NCAPG2: variants seen among roughly 807,000 people sequenced by gnomAD.
NCAPG2 encodes the protein non-SMC condensin II complex subunit G2.
In NCAPG2, 53 loss-of-function variants were observed where a neutral mutation model predicts 141.1. The ratio of observed to expected loss-of-function variants is 0.38; its 90% CI spans 0.30 to 0.47. NCAPG2 has a LOEUF of 0.47. Ranked by LOEUF, NCAPG2 falls within the 20% of genes least tolerant of loss-of-function variation. NCAPG2 has a pLI of 0.99. For missense variants in NCAPG2, 1,087 were observed against 1,389.0 expected, an observed-to-expected ratio of 0.78 and a Z score of 3.46; for synonymous variants, 499 against 490.7, an observed-to-expected ratio of 1.02 and a Z score of -0.22.
intron 11 of NCAPG2, among the ~76,000 whole-genome samples, chr7:158,677,541 A>AAAC (rs1296256149): frequency 6.7e-6 from 1 of 149,906 alleles, no homozygotes; most frequent in South Asian, 2.1e-4. Context: ...AAAAAAAAAA[A>AAAC]AAAAAAACAG....
intron 27 of NCAPG2, chr7:158,640,052 C>CAAAAAAAAAAAAAAAAAAAAAAAAAA (rs58368997): frequency 7.1e-5 from 7 of 98,324 alleles, no homozygotes; most frequent in Admixed American, 1.1e-4. Context: ...GAATAAATGC[C>CAAAAAAAAAAAAAAAAAAAAAAAAAA]AAAAAAAAAA....
At chr7:158,632,623 C>T (rs1212729195) in intron 27 of NCAPG2, among the ~76,000 whole-genome samples, 1 of 152,232 alleles carries the variant, frequency 6.6e-6, no homozygotes, top group African/African-American at 2.4e-5. Context: ...GCAAGTGAGA[C>T]TCATGTCTAC....
chr7:158,689,652 T>C (rs984871577), intron 6 of NCAPG2, among the ~76,000 whole-genome samples, 167 bp downstream of exon 6: 1 of 152,210 alleles, frequency 6.6e-6, no homozygotes, highest in African/African-American at 2.4e-5. Context: ...CAAGGACTTG[T>C]AAAATGTCTT....
rs757875779 is a variant in NCAPG2 at position 158,646,472 on chromosome 7, G to A, written c.3167C>T (p.Ser1056Leu). 16 of 1,599,722 alleles carry A rather than the reference G, an allele frequency of 1.0e-5. No homozygotes were observed. Among genetic ancestry groups the A allele is most frequent in the South Asian group, 5.6e-5 (5 of 88,668 alleles). The change falls in exon 25 of 28, where the codon TCG (serine) becomes TTG (leucine). Residue 1056 changes from serine to leucine, a missense_variant. Ser to Leu is a moderately radical substitution (Grantham distance 145). Transcript: ENST00000356309. ...AGAAAGTGATTACCTGACCACATTCGAAGACTTTATTATTATTCCTATTAA... is the reference window on the plus strand; with the variant it reads ...AGAAAGTGATTACCTGACCACATTCAAAGACTTTATTATTATTCCTATTAA... Reference protein sequence around the residue: ...RCLIGIIIKSSNVVRSFLDEL... With the variant: ...RCLIGIIIKSLNVVRSFLDEL...
intron 4 of NCAPG2, 62 bp from the exon 5 acceptor site, chr7:158,690,784 C>A: frequency 6.9e-7 from 1 of 1,459,150 alleles, no homozygotes; most frequent in African/African-American, 1.4e-5. Context: ...TCAGAGTCAA[C>A]AGTTTAGAGT....
At chr7:158,700,679 T>C (rs1244191574) in intron 2 of NCAPG2, among the ~76,000 whole-genome samples, 1 of 152,238 alleles carries the variant, frequency 6.6e-6, no homozygotes, top group African/African-American at 2.4e-5. Context: ...AAACATGTTA[T>C]AAGCTCATTT....
rs761136561 is a variant in NCAPG2, at chr7:158,645,623, CA to C, written c.3180-5del. 3 of 1,611,442 alleles carry C rather than the reference CA, an allele frequency of 1.9e-6. No homozygotes were observed. The highest frequency in any genetic ancestry group is 1.3e-5 in the African/African-American group (1 of 74,840). On this transcript the variant is annotated splice_region_variant and splice_polypyrimidine_tract_variant and intron_variant, in intron 25 of 27. Coordinates refer to ENST00000356309, the MANE Select transcript of NCAPG2 (RefSeq NM_017760.7). The stretch of plus-strand genomic sequence containing the variant: ...CTTTAATTCATCCAAAAATGACCTG[CA>C]AAAAAATCAACAAACATCAAAATTA...
chr7:158,657,642 C>G (rs1832095302), intron 17 of NCAPG2, among the ~76,000 whole-genome samples: 1 of 152,214 alleles, frequency 6.6e-6, no homozygotes. Flanking sequence ...ACCACCCCGT[C>G]TGGGAGGTGT....
rs1364443567 is a variant in NCAPG2, at chr7:158,633,951, C to T, written c.3381-2234G>A. Among the ~76,000 whole-genome samples the T allele has an allele frequency of 6.6e-6, 1 of 151,996 alleles. No individual in the cohort carries two copies. Among genetic ancestry groups the T allele is most frequent in the Non-Finnish European group, 1.5e-5 (1 of 67,996 alleles). ...ATTTTTTGTAGAGATGGGGTTTCACCATGTTACCCAGTCTAGTAGTGAACT... is the reference window on the plus strand; with the variant it reads ...ATTTTTTGTAGAGATGGGGTTTCACTATGTTACCCAGTCTAGTAGTGAACT... On this transcript the variant is annotated intron_variant, in intron 27 of 27. Coordinates refer to ENST00000356309, the MANE Select transcript of NCAPG2 (RefSeq NM_017760.7). This position sits in a 1 kb window ranked among gnomAD's most constrained non-coding sequence, Gnocchi z 4.1.
At chr7:158,667,433 C>T (rs1166736993) in intron 13 of NCAPG2, among the ~76,000 whole-genome samples, 1 of 124,204 alleles carries the variant, frequency 8.1e-6, no homozygotes, top group Admixed American at 7.6e-5. Context: ...GTCCCTCCGC[C>T]CTCCTTACCC....
At chr7:158,676,705 T>C (rs1250476052) in intron 11 of NCAPG2, among the ~76,000 whole-genome samples, 1 of 152,186 alleles carries the variant, frequency 6.6e-6, no homozygotes, top group Non-Finnish European at 1.5e-5. Context: ...CCAGTCTCTT[T>C]TTTATTATGC....
rs1831552944 is a variant in NCAPG2, at chr7:158,652,343, A to G, written c.2884T>C (p.Leu962=). The change falls in exon 23 of 28, where the codon TTG becomes CTG. Residue 962 remains leucine (L), a synonymous_variant. Coordinates refer to ENST00000356309, the MANE Select transcript of NCAPG2 (RefSeq NM_017760.7). ...DTVQKVFQKM[L]ECIARSFRKQ... ...CTGAAGCTCCGTGCAATACATTCCA[A>G]CATTTTCTGAAATACTTTCTGGACT... The G allele has an allele frequency of 1.2e-6, 2 of 1,613,892 alleles. No homozygotes were observed. Among genetic ancestry groups the G allele is most frequent in the South Asian group, 1.1e-5 (1 of 90,954 alleles).
At chr7:158,663,193 C>T (rs193165504) in intron 15 of NCAPG2, among the ~76,000 whole-genome samples, 19 of 152,310 alleles carry the variant, frequency 1.2e-4, no homozygotes, top group East Asian at 1.9e-4. Flanking sequence ...GCAACTCTAA[C>T]GTATACTGAG....
intron 27 of NCAPG2, 45 bp downstream of exon 27, chr7:158,644,240 AGAAT>A (rs1387692742): frequency 6.9e-7 from 1 of 1,457,292 alleles, no homozygotes; most frequent in Non-Finnish European, 9.6e-7. Flanking sequence ...GATCCAAAGA[AGAAT>A]GAGCAGTTTT....
rs1484277308 is a variant in NCAPG2, at chr7:158,660,420, TTTTTTTTTTA to T, written c.1989+1764_1989+1773del. 2.0e-4 allele frequency among the ~76,000 whole-genome samples: 19 copies of T among 95,826 alleles called. No individual in the cohort carries two copies. The South Asian group carries it at 2.5e-3, about 12-fold the overall frequency. The allele number at this position is 95,826 out of a possible 152,430, so 62.9% of individuals were successfully genotyped here. A position where few individuals can be genotyped will look rare whatever the true frequency, so the allele number is the denominator to read the frequency against. On this transcript the variant is annotated intron_variant, in intron 16 of 27. Transcript: ENST00000356309. The stretch of plus-strand genomic sequence containing the variant: ...AGCTTTCTTTTTTTTTTTTTTTTTT[TTTTTTTTTTA>T]AAAGAGGCAGGGTCTCACTCTGTTG...
At chr7:158,640,153 G>A (rs917679763) in intron 27 of NCAPG2, 2 of 151,820 alleles carry the variant, frequency 1.3e-5, no homozygotes, top group Non-Finnish European at 2.9e-5. Flanking sequence ...AAACCAGATA[G>A]GGAAAAATAC....
At chr7:158,702,392 A>T (rs116643754) in intron 1 of NCAPG2, 1 of 155,208 alleles carries the variant, frequency 6.4e-6, no homozygotes, top group Non-Finnish European at 1.4e-5. Context: ...TTGTTATTCA[A>T]AGTGAGATGG....
At chr7:158,671,488 A>G (rs1196230976) in intron 13 of NCAPG2, 26 bp downstream of exon 13, 1 of 1,613,372 alleles carries the variant, frequency 6.2e-7, no homozygotes, top group Admixed American at 1.7e-5. Flanking sequence ...TTCATGTCAT[A>G]AGTAAAAAAG....
At chr7:158,693,963 T>C (rs2129469241) in intron 2 of NCAPG2, among the ~76,000 whole-genome samples, 1 of 152,346 alleles carries the variant, frequency 6.6e-6, no homozygotes, top group South Asian at 2.1e-4. Context: ...TTATCTGAGA[T>C]GACCTCACGT....
Sources: gnomAD v4.1 joint callset for allele counts (sites outside exome capture counted in the v4.1 genomes callset) on GRCh38, gnomAD v4.1.1 for gene constraint, Gnocchi (gnomAD v3.1) non-coding constraint, MANE v1.5 for transcripts, NCBI Gene and HGNC (gene_info 2026-07-23, HGNC 2026-07-21) for gene names.